APOB: variants seen among roughly 807,000 people sequenced by gnomAD.
The protein encoded by APOB is apolipoprotein B.
A neutral mutation model predicts 314.1 loss-of-function variants in APOB; 153 were observed. The ratio of observed to expected loss-of-function variants is 0.49; its 90% CI spans 0.43 to 0.56. The LOEUF is 0.56. Ranked by LOEUF, APOB falls within the 20% of genes least tolerant of loss-of-function variation. The probability of loss-of-function intolerance (pLI) is 0.00; values close to 1 mark genes in which losing one functional copy is unlikely to be tolerated. For synonymous variants in APOB, 2,087 were observed against 2,036.4 expected (o/e 1.02, Z -0.67); for missense variants, 5,430 against 5,350.7 (o/e 1.01, Z -0.46).
chr2:21,036,525 T>C (rs899737902), intron 6 of APOB, among the ~76,000 whole-genome samples: 2 of 152,108 alleles, frequency 1.3e-5, no homozygotes, highest in African/African-American at 4.8e-5. Flanking sequence ...AATATGGTGC[T>C]CCATGGCCCC....
In APOB at chr2:21,029,666, A is replaced by G. The variant is rs766519048; in HGVS notation, c.1590T>C (p.Ala530=). ...TGTCTTTAGGCTCCATTTTCCGCAGAGCCTGGATGGCAGCTTTCTGGATCA... is the reference window on the plus strand; with the variant it reads ...TGTCTTTAGGCTCCATTTTCCGCAGGGCCTGGATGGCAGCTTTCTGGATCA... ...SLMIQKAAIQ[A]LRKMEPKDKD... is the part of the protein sequence containing the mutation. Residue 530 remains alanine (A), a synonymous_variant, in exon 12 of 29, where the codon GCT becomes GCC. Transcript: ENST00000233242. The G allele has an allele frequency of 6.2e-7, 1 of 1,614,212 alleles. No individual in the cohort carries two copies. Among genetic ancestry groups the G allele is most frequent in the Non-Finnish European group, 8.5e-7 (1 of 1,180,038 alleles).
rs781611122 is a variant in APOB at position 21,007,470 on chromosome 2, G to A, written c.9398C>T (p.Pro3133Leu). Residue 3133 changes from proline (P) to leucine (L), a missense_variant, in exon 26 of 29, where the codon CCT (proline) becomes CTT (leucine). Pro to Leu is a moderately conservative substitution (Grantham distance 98). This residue lies in a region of APOB where 3,281 missense variants were observed against 3,171.0 expected (regional missense o/e 1.03). Transcript: ENST00000233242. ...TATTGTGTAAGGTAGACGCATTTCA[G>A]GAATTGTTAAAGGAATGTTTAAGAA... ...LDFLNIPLTI[P>L]EMRLPYTIIT... The A allele has an allele frequency of 3.1e-6, 5 of 1,614,040 alleles. No homozygotes were observed. The highest frequency in any genetic ancestry group is 4.2e-6 in the Non-Finnish European group (5 of 1,179,972).
chr2:21,028,523 G>C lies in APOB; in HGVS notation c.1633C>G (p.Leu545Val). 6.2e-7 allele frequency: 1 copy of C among 1,612,372 alleles called. No individual in the cohort carries two copies. The highest frequency in any genetic ancestry group is 2.2e-5 in the East Asian group (1 of 44,882). The change falls in exon 13 of 29, where the codon CTT becomes GTT. Residue 545 changes from leucine (L) to valine (V), a missense_variant. Leu to Val is a conservative substitution (Grantham distance 32). Around this residue, in one of 3 missense-constraint regions of APOB, gnomAD observed 2,085 missense variants for 2,079.7 expected, o/e 1.00. Coordinates refer to ENST00000233242, the MANE Select transcript of APOB (RefSeq NM_000384.3). ...EPKDKDQEVL[L>V]QTFLDDASPG... ...GAAGCATCATCAAGGAAAGTCTGAA[G>C]AAGAACCTCCTGGTCCTGCAGTCAA...
Position 21,006,749 on chromosome 2 carries a change from G to A in APOB, c.10119C>T (p.Val3373=). Residue 3373 remains valine, a synonymous_variant, in exon 26 of 29, where the codon GTC becomes GTT. Transcript: ENST00000233242. ...CTAATTTGTACTGCAGTGCATCAAT[G>A]ACAGATGAAGATGAAGAAAGGAGAT... The part of the protein sequence containing the change: ...VAHLLSSSSS[V]IDALQYKLEG... 1 of 1,614,082 alleles carries A rather than the reference G, an allele frequency of 6.2e-7. No homozygotes were observed. The highest frequency in any genetic ancestry group is 8.5e-7 in the Non-Finnish European group (1 of 1,179,964).
chr2:21,008,090 T>G lies in APOB; in HGVS notation c.8778A>C (p.Lys2926Asn), dbSNP rs925427080. The change falls in exon 26 of 29, where the codon AAA becomes AAC. Residue 2926 changes from lysine (K) to asparagine (N), a missense_variant. This residue lies in a region of APOB where 3,281 missense variants were observed against 3,171.0 expected (regional missense o/e 1.03). Transcript: ENST00000233242. Reference protein sequence around the residue: ...AGHIAWTSSGKGSWKWACPRF... With the variant: ...AGHIAWTSSGNGSWKWACPRF... ...TGGGGCAGGCCCATTTCCATGACCC[T>G]TTTCCAGAAGAAGTCCATGCTATGT... is the stretch of plus-strand genomic sequence containing the variant. The G allele has an allele frequency of 6.2e-7, 1 of 1,614,050 alleles. No homozygotes were observed. The highest frequency in any genetic ancestry group is 8.5e-7 in the Non-Finnish European group (1 of 1,179,952).
intron 24 of APOB, 59 bp from the exon 25 acceptor site, chr2:21,013,592 C>T: frequency 6.2e-7 from 1 of 1,610,776 alleles, no homozygotes; most frequent in Non-Finnish European, 8.5e-7. Flanking sequence ...TCAAAGTTCT[C>T]TGCCTCTGAC....
intron 16 of APOB, 173 bp from the exon 17 acceptor site, chr2:21,023,865 C>A (rs528678661): frequency 3.7e-6 from 2 of 541,466 alleles, no homozygotes; most frequent in Non-Finnish European, 6.2e-6. Flanking sequence ...ATGTTTTTAC[C>A]GTTTTCAGTG....
In APOB at chr2:21,009,817, C is replaced by G; in HGVS notation, c.7051G>C (p.Asp2351His). The G allele has an allele frequency of 6.2e-7, 1 of 1,614,026 alleles. No individual in the cohort carries two copies. The highest frequency in any genetic ancestry group is 8.5e-7 in the Non-Finnish European group (1 of 1,179,976). Residue 2351 changes from aspartate (D) to histidine (H), a missense_variant, in exon 26 of 29, where the codon GAC (aspartate) becomes CAC (histidine). This residue lies in a region of APOB where 3,281 missense variants were observed against 3,171.0 expected (regional missense o/e 1.03). Coordinates refer to ENST00000233242, the MANE Select transcript of APOB (RefSeq NM_000384.3). ...VHELIERYEV[D>H]QQIQVLMDKL... ...TCCATTAAAACCTGGATTTGTTGGT[C>G]TACTTCATACCTCTCGATTAACTCA...
At position 21,025,185 on chromosome 2, in the gene APOB, C is replaced by T. The variant is rs1663702178; in HGVS notation, c.2245-61G>A. 1.9e-6 allele frequency: 3 copies of T among 1,542,222 alleles called. No homozygotes were observed. In the African/African-American group the frequency reaches 4.1e-5, roughly 21 times the overall value. On this transcript the variant is annotated intron_variant, in intron 15 of 28. Transcript: ENST00000233242. ...CAGCAATGTCAAACACCTTTCAGTT[C>T]CCAATGTGGGACCTGTCTGATGCAG...
intron 6 of APOB, among the ~76,000 whole-genome samples, chr2:21,036,615 A>C (rs1664009709): frequency 6.6e-6 from 1 of 152,034 alleles, no homozygotes; most frequent in Admixed American, 6.6e-5. Flanking sequence ...GGGTGGAAGG[A>C]CAAGAAGCTG....
Position 21,009,767 on chromosome 2 carries a change from T to G in APOB, c.7101A>C (p.Gln2367His). ...TCTGAATAGTCTCCTTCAACTTGTA[T>G]TGGTGGGCCAACTCTACTAATTTAT... ...LMDKLVELAHQYKLKETIQKL... is the reference protein window; with the variant it reads ...LMDKLVELAHHYKLKETIQKL... Residue 2367 changes from glutamine (Q) to histidine (H), a missense_variant, in exon 26 of 29, where the codon CAA becomes CAC. Gln to His is a conservative substitution (Grantham distance 24). Coordinates refer to ENST00000233242, the MANE Select transcript of APOB (RefSeq NM_000384.3). 2 of 1,614,030 alleles carry G rather than the reference T, an allele frequency of 1.2e-6. No homozygotes were observed. Among genetic ancestry groups the G allele is most frequent in the Non-Finnish European group, 8.5e-7 (1 of 1,179,972 alleles).
intron 1 of APOB, 63 bp from the exon 2 acceptor site, chr2:21,043,614 G>T (rs1188417688): frequency 6.4e-7 from 1 of 1,557,640 alleles, no homozygotes; most frequent in African/African-American, 1.4e-5. Flanking sequence ...GCTAGGGCCC[G>T]ACAGGGGGAC....
Position 21,010,925 on chromosome 2 carries a change from C to T in APOB, c.5943G>A (p.Trp1981Ter). ...TGTTGTTAAATTGGGTCTTGAGTTT[C>T]CAGGTGCCTGTCTGCTCAGCTGGAG... ...LLTPAEQTGTWKLKTQFNNNE... is the reference protein window; with the variant it reads ...LLTPAEQTGT The change falls in exon 26 of 29, where the codon TGG becomes TGA. Residue 1981 changes from tryptophan to a stop codon, truncating the protein, a stop_gained. Coordinates refer to ENST00000233242, the MANE Select transcript of APOB (RefSeq NM_000384.3). LOFTEE classifies it high-confidence loss of function. The T allele has an allele frequency of 6.2e-7, 1 of 1,614,110 alleles. No individual in the cohort carries two copies. Among genetic ancestry groups the T allele is most frequent in the Non-Finnish European group, 8.5e-7 (1 of 1,179,992 alleles).
chr2:21,015,167 G>A lies in APOB; in HGVS notation c.3602C>T (p.Pro1201Leu), dbSNP rs1208857930. ...ATTAGCATACATATGCAAGCTCTTAGGATAATCGGAGAGATCCACAGGGAA... is the reference window on the plus strand; with the variant it reads ...ATTAGCATACATATGCAAGCTCTTAAGATAATCGGAGAGATCCACAGGGAA... ...SNFPVDLSDY[P>L]KSLHMYANRL... Residue 1201 changes from proline (P) to leucine (L), a missense_variant, in exon 23 of 29, where the codon CCT (proline) becomes CTT (leucine). Around this residue, in one of 3 missense-constraint regions of APOB, gnomAD observed 2,085 missense variants for 2,079.7 expected, o/e 1.00. Coordinates refer to ENST00000233242, the MANE Select transcript of APOB (RefSeq NM_000384.3). The A allele has an allele frequency of 6.2e-7, 1 of 1,614,156 alleles. No individual in the cohort carries two copies. Among genetic ancestry groups the A allele is most frequent in the Non-Finnish European group, 8.5e-7 (1 of 1,180,014 alleles).
intron 4 of APOB, among the ~76,000 whole-genome samples, chr2:21,038,751 C>T (rs1490046191): frequency 1.3e-5 from 2 of 152,232 alleles, no homozygotes; most frequent in Non-Finnish European, 2.9e-5. Context: ...TTTGTTTCTG[C>T]ACACTCATAC....
chr2:21,015,368 A>G lies in APOB; in HGVS notation c.3508+2T>C. On this transcript the variant is annotated splice_donor_variant, in intron 22 of 28. Transcript: ENST00000233242. LOFTEE classifies it high-confidence loss of function. ...TGCTCACACAGGGGAAGAGACACAT[A>G]CCATAATGCCATGCCACCCTCTTGG... 1 of 1,614,164 alleles carries G rather than the reference A, an allele frequency of 6.2e-7. No individual in the cohort carries two copies. The highest frequency in any genetic ancestry group is 8.5e-7 in the Non-Finnish European group (1 of 1,180,018).
Position 21,016,455 on chromosome 2 carries a change from G to A in APOB, c.3316C>T (p.Leu1106Phe), listed in dbSNP as rs750542641. 5 of 1,606,488 alleles carry A rather than the reference G, an allele frequency of 3.1e-6. No homozygotes were observed. In the South Asian group the frequency reaches 4.4e-5, roughly 14 times the overall value. ...CTTCTTTACCTTAGGTGGCCCATGA[G>A]GGCGACCTCAGTAATTTTCTTGTTC... is the stretch of plus-strand genomic sequence containing the variant. Reference protein sequence around the residue: ...IQNKKITEVALMGHLSCDTKE... With the variant: ...IQNKKITEVAFMGHLSCDTKE... Residue 1106 changes from leucine (L) to phenylalanine (F), a missense_variant, in exon 21 of 29, where the codon CTC becomes TTC. By Grantham distance (22) the Leu-to-Phe change is conservative. Transcript: ENST00000233242.
Position 21,012,387 on chromosome 2 carries a change from G to A in APOB, c.4481C>T (p.Ser1494Leu), listed in dbSNP as rs1020402380. ...VKIDGQFRVS[S>L]FYAKGTYGLS... ...GCCATATGTGCCTTTAGCATAGAACGAAGAGACTCTGAACTGCCCATCAAT... is the reference window on the plus strand; with the variant it reads ...GCCATATGTGCCTTTAGCATAGAACAAAGAGACTCTGAACTGCCCATCAAT... Residue 1494 changes from serine to leucine, a missense_variant, in exon 26 of 29, where the codon TCG becomes TTG. Coordinates refer to ENST00000233242, the MANE Select transcript of APOB (RefSeq NM_000384.3). 6.8e-6 allele frequency: 11 copies of A among 1,614,176 alleles called. No homozygotes were observed. In the Admixed American group the frequency reaches 1.0e-4, roughly 15 times the overall value.
chr2:21,008,484 G>A lies in APOB; in HGVS notation c.8384C>T (p.Ala2795Val), dbSNP rs759431618. The stretch of plus-strand genomic sequence containing the variant: ...AACTTCTAATTTGGACTCTCCTTTG[G>A]CAGTGATGGAAGCTGCGATACCTGC... ...NEAGIAASITAKGESKLEVLN... is the reference protein window; with the variant it reads ...NEAGIAASITVKGESKLEVLN... Residue 2795 changes from alanine (A) to valine (V), a missense_variant, in exon 26 of 29, where the codon GCC (alanine) becomes GTC (valine). Ala to Val is a moderately conservative substitution (Grantham distance 64, BLOSUM62 0). Around this residue, in one of 3 missense-constraint regions of APOB, gnomAD observed 3,281 missense variants for 3,171.0 expected, o/e 1.03. Transcript: ENST00000233242. 3.1e-6 allele frequency: 5 copies of A among 1,614,038 alleles called. No individual in the cohort carries two copies. Among genetic ancestry groups the A allele is most frequent in the Non-Finnish European group, 4.2e-6 (5 of 1,179,974 alleles).
Sources: allele counts gnomAD v4.1 joint callset (sites outside exome capture counted in the v4.1 genomes callset), GRCh38; gene constraint gnomAD v4.1.1; regional missense constraint gnomAD v4.1.1; transcripts MANE v1.5; gene names NCBI Gene and HGNC (gene_info 2026-07-23, HGNC 2026-07-21).